The following LRP2 variants were observed in gnomAD, a reference collection of about 807,000 sequenced individuals.
The protein encoded by LRP2 is low-density lipoprotein receptor-related protein 2.
LRP2 carries 172 observed loss-of-function variants against 531.0 expected under a neutral mutation model. The ratio of observed to expected loss-of-function variants is 0.32; its 90% CI spans 0.29 to 0.37. LRP2 has a LOEUF of 0.37. LRP2 is among the 10% of genes least tolerant of loss of function. The pLI is 1.00. For synonymous variants in LRP2, 1,992 were observed against 2,027.6 expected (o/e 0.98, Z 0.47); for missense variants, 5,167 against 5,868.3 (o/e 0.88, Z 3.90).
At chr2:169,293,936 G>GA (rs1182790796) in intron 6 of LRP2, among the ~76,000 whole-genome samples, 4 of 152,090 alleles carry the variant, frequency 2.6e-5, no homozygotes, top group Non-Finnish European at 4.4e-5. Context: ...CAGATCCTTG[G>GA]AAAATAAAGG....
At chr2:169,283,086 C>A in intron 9 of LRP2, 85 bp from the exon 10 acceptor site, 1 of 1,418,818 alleles carries the variant, frequency 7.0e-7, no homozygotes, top group Non-Finnish European at 9.9e-7. Flanking sequence ...ATAAGATGGC[C>A]AAGAATGTGG....
chr2:169,133,843 A>G (rs924721566), intron 76 of LRP2, among the ~76,000 whole-genome samples: 2 of 152,124 alleles, frequency 1.3e-5, no homozygotes, highest in East Asian at 1.9e-4. Context: ...GCCTCTCTTC[A>G]CTTTCACTTA....
intron 1 of LRP2, among the ~76,000 whole-genome samples, chr2:169,336,659 T>C (rs1032786938): frequency 2.0e-5 from 3 of 152,058 alleles, no homozygotes; most frequent in African/African-American, 7.2e-5. Context: ...CAAAGTATTC[T>C]CCACTGCACA....
intron 75 of LRP2, among the ~76,000 whole-genome samples, 155 bp from the exon 76 acceptor site, chr2:169,137,648 G>GCA (rs1553484554): frequency 1.7e-4 from 11 of 65,822 alleles, no homozygotes; most frequent in African/African-American, 1.0e-3. Context: ...AAGAGAACTT[G>GCA]CAAAAAAAAA....
intron 67 of LRP2, 105 bp downstream of exon 67, chr2:169,152,694 T>A: frequency 7.7e-7 from 1 of 1,295,226 alleles, no homozygotes; most frequent in East Asian, 2.3e-5. Flanking sequence ...CATGGCTGAG[T>A]GTACTCATAT....
chr2:169,362,063 C>T (rs913121172), intron 1 of LRP2, among the ~76,000 whole-genome samples: 3 of 152,252 alleles, frequency 2.0e-5, no homozygotes, highest in Non-Finnish European at 4.4e-5. Context: ...AAGACAGGGT[C>T]TCCGTGGGGT....
rs368463648 is a variant in LRP2 at position 169,132,562 on chromosome 2, G to A, written c.13728+12C>T. ...CAAATCCCACATTATTTCAGGAGTC[G>A]GCAACTGTTACCTGAGTTCCATCAG... is the stretch of plus-strand genomic sequence containing the variant. On this transcript the variant is annotated intron_variant, in intron 77 of 78. Transcript: ENST00000649046. 15 of 1,511,106 alleles carry A rather than the reference G, an allele frequency of 9.9e-6. No homozygotes were observed. The African/African-American group carries it at 1.1e-4, about 11-fold the overall frequency. The allele number at this position is 1,511,106 out of a possible 1,614,324, so 93.6% of individuals were successfully genotyped here. A position where few individuals can be genotyped will look rare whatever the true frequency, so the allele number is the denominator to read the frequency against.
In LRP2 at chr2:169,205,699, A is replaced by C. The variant is rs1688353802; in HGVS notation, c.7557-62T>G. 2.7e-6 allele frequency: 4 copies of C among 1,497,062 alleles called. No individual in the cohort carries two copies. In the East Asian group the frequency reaches 9.0e-5, roughly 34 times the overall value. 92.7% of individuals were successfully genotyped at this position (1,497,062 alleles called of 1,614,324 possible). On this transcript the variant is annotated intron_variant, in intron 40 of 78. Transcript: ENST00000649046. ...GGAACCTCATAGTCCTTTAAAAAAA[A>C]AAAAAAGGACAATATTCTTTAATTG...
chr2:169,304,946 C>T (rs185367849), intron 4 of LRP2, among the ~76,000 whole-genome samples: 5 of 152,164 alleles, frequency 3.3e-5, no homozygotes, highest in Middle Eastern at 3.2e-3. Flanking sequence ...CCATCATTCT[C>T]AGCAAACTAA....
At position 169,233,578 on chromosome 2, in the gene LRP2, T is replaced by C. The variant is rs777602881; in HGVS notation, c.4931A>G (p.His1644Arg). The C allele has an allele frequency of 1.9e-6, 3 of 1,613,976 alleles. No individual in the cohort carries two copies. Among genetic ancestry groups the C allele is most frequent in the Non-Finnish European group, 2.5e-6 (3 of 1,179,964 alleles). Residue 1644 changes from histidine (H) to arginine (R), a missense_variant, in exon 30 of 79, where the codon CAC (histidine) becomes CGC (arginine). Coordinates refer to ENST00000649046, the MANE Select transcript of LRP2 (RefSeq NM_004525.3). ...QVIASDLIIR[H>R]PYALTLFEDS... ...TTCAAAGAGAGTTAGGGCATAGGGGTGCCGTATAATCTGTGAGGCAGAAGA... is the reference window on the plus strand; with the variant it reads ...TTCAAAGAGAGTTAGGGCATAGGGGCGCCGTATAATCTGTGAGGCAGAAGA...
Position 169,204,241 on chromosome 2 carries a change from G to A in LRP2, c.7746C>T (p.Gly2582=), listed in dbSNP as rs773890980. 1.7e-5 allele frequency: 28 copies of A among 1,613,434 alleles called. No individual in the cohort carries two copies. Among genetic ancestry groups the A allele is most frequent in the African/African-American group, 2.7e-5 (2 of 74,874 alleles). Residue 2582 remains glycine (G), a synonymous_variant, in exon 42 of 79, where the codon GGC becomes GGT. Coordinates refer to ENST00000649046, the MANE Select transcript of LRP2 (RefSeq NM_004525.3). ...CATTGACAATGACTTCACGATCCACGCCCGTCAGAGTGCTGCGTTCAATCC... is the reference window on the plus strand; with the variant it reads ...CATTGACAATGACTTCACGATCCACACCCGTCAGAGTGCTGCGTTCAATCC... ...LQRIERSTLT[G]VDREVIVNAA...
intron 16 of LRP2, 78 bp downstream of exon 16, chr2:169,270,826 T>G: frequency 1.2e-6 from 1 of 859,656 alleles, no homozygotes; most frequent in Admixed American, 2.2e-5. Flanking sequence ...GAGTTTTAAT[T>G]ATCAAGTTGT....
At chr2:169,348,002 C>A (rs1379453995) in intron 1 of LRP2, among the ~76,000 whole-genome samples, 2 of 152,158 alleles carry the variant, frequency 1.3e-5, no homozygotes, top group Non-Finnish European at 2.9e-5. Flanking sequence ...TCCATGGTGA[C>A]AACATATACA....
At chr2:169,248,922 C>T (rs1390434412) in intron 19 of LRP2, among the ~76,000 whole-genome samples, 2 of 79,568 alleles carry the variant, frequency 2.5e-5, no homozygotes, top group Admixed American at 1.5e-4. Flanking sequence ...TTGCGCTTTT[C>T]AGACCGGCTT....
intron 26 of LRP2, among the ~76,000 whole-genome samples, chr2:169,239,040 C>G (rs888692349): frequency 6.6e-6 from 1 of 152,184 alleles, no homozygotes; most frequent in Non-Finnish European, 1.5e-5. Flanking sequence ...ATGCCCTGGA[C>G]TCTCTGACAT....
intron 63 of LRP2, among the ~76,000 whole-genome samples, chr2:169,157,913 G>GAA: frequency 4.1e-5 from 4 of 96,922 alleles, no homozygotes; most frequent in African/African-American, 7.6e-5. Flanking sequence ...ATAGATAACA[G>GAA]ATAGAAATAA....
At chr2:169,356,127 A>G (rs1468374680) in intron 1 of LRP2, among the ~76,000 whole-genome samples, 1 of 152,168 alleles carries the variant, frequency 6.6e-6, no homozygotes, top group Non-Finnish European at 1.5e-5. Flanking sequence ...CCTAGGCTCA[A>G]GCAATCCGCT....
At chr2:169,168,743 C>A (rs1686882867) in intron 60 of LRP2, 67 bp from the exon 61 acceptor site, 3 of 1,555,406 alleles carry the variant, frequency 1.9e-6, no homozygotes, top group Non-Finnish European at 2.7e-6. Flanking sequence ...AAGCTTCCTG[C>A]TATTTCTCCT....
chr2:169,332,977 T>G (rs922577576), intron 1 of LRP2, among the ~76,000 whole-genome samples: 2 of 152,202 alleles, frequency 1.3e-5, no homozygotes, highest in African/African-American at 4.8e-5. Context: ...GATGGGCATG[T>G]ATGGCTTCTG....
Sources: gnomAD v4.1 joint callset for allele counts (sites outside exome capture counted in the v4.1 genomes callset) on GRCh38, gnomAD v4.1.1 for gene constraint, MANE v1.5 for transcripts, NCBI Gene and HGNC (gene_info 2026-07-23, HGNC 2026-07-21) for gene names.